The following DLGAP2 variants were observed in gnomAD, a reference collection of about 807,000 sequenced individuals.
The protein encoded by DLGAP2 is disks large-associated protein 2.
In DLGAP2, 26 loss-of-function variants were observed where a neutral mutation model predicts 100.3. The ratio of observed to expected loss-of-function variants is 0.26; its 90% confidence interval spans 0.19 to 0.36. The LOEUF (loss-of-function observed/expected upper bound fraction) is 0.36. Among genes scored for constraint, DLGAP2 ranks in the 10% least tolerant of loss-of-function variants. DLGAP2 has a pLI of 1.00. For synonymous variants in DLGAP2, 886 were observed against 630.1 expected (o/e 1.41, Z -6.08); for missense variants, 1,858 against 1,453.2 (o/e 1.28, Z -4.53).
chr8:1,199,946 C>A (rs952440625), intron 2 of DLGAP2, among the ~76,000 whole-genome samples: 1 of 151,674 alleles, frequency 6.6e-6, no homozygotes, highest in African/African-American at 2.4e-5. Flanking sequence ...TTCCCCCCCA[C>A]AACCCCCCGC....
At chr8:1,299,611 T>C (rs892158628) in intron 3 of DLGAP2, among the ~76,000 whole-genome samples, 1 of 152,214 alleles carries the variant, frequency 6.6e-6, no homozygotes, top group Non-Finnish European at 1.5e-5. Flanking sequence ...GGGATATTCA[T>C]TTTAAAAGCT....
At chr8:921,057 G>A (rs982588648) in intron 2 of DLGAP2, among the ~76,000 whole-genome samples, 2 of 152,124 alleles carry the variant, frequency 1.3e-5, no homozygotes, top group African/African-American at 4.8e-5. Flanking sequence ...TTCACTCTTT[G>A]TAACTTCGCA....
At chr8:800,464 G>T (rs146736281) in intron 1 of DLGAP2, among the ~76,000 whole-genome samples, 1 of 152,188 alleles carries the variant, frequency 6.6e-6, no homozygotes, top group African/African-American at 2.4e-5. Context: ...TCTCATGGCG[G>T]AGCAGCCTCC....
intron 2 of DLGAP2, among the ~76,000 whole-genome samples, chr8:1,154,798 A>C (rs1465813089): frequency 6.6e-6 from 1 of 152,138 alleles, no homozygotes; most frequent in Non-Finnish European, 1.5e-5. Flanking sequence ...CCGCCCTAAA[A>C]TAAGACTGTG....
intron 3 of DLGAP2, among the ~76,000 whole-genome samples, chr8:1,498,954 A>G (rs1035681424): frequency 6.6e-6 from 1 of 152,216 alleles, no homozygotes; most frequent in Non-Finnish European, 1.5e-5. Context: ...CCCTCAGCCC[A>G]TGCTGGATTG....
In DLGAP2 at chr8:1,119,197, G is replaced by C. The variant is rs1452255116; in HGVS notation, c.74-139654G>C. Among the ~76,000 whole-genome samples the C allele has an allele frequency of 2.6e-5, 4 of 152,192 alleles. No homozygotes were observed. The East Asian group carries it at 7.7e-4, about 29-fold the overall frequency. On this transcript the variant is annotated intron_variant, in intron 2 of 14. Transcript: ENST00000637795. ...AATGCCACATCCTTCCCGCACTTAA[G>C]GCATGCAATTTGCAGAATAAGACGT... is the stretch of plus-strand genomic sequence containing the variant.
At chr8:1,688,976 C>A (rs1799182995) in intron 12 of DLGAP2, among the ~76,000 whole-genome samples, 1 of 152,164 alleles carries the variant, frequency 6.6e-6, no homozygotes, top group Middle Eastern at 3.2e-3. Flanking sequence ...TCCCGAAAGT[C>A]GGGCTAAGGA....
intron 2 of DLGAP2, among the ~76,000 whole-genome samples, chr8:1,012,657 C>A (rs527731134): frequency 1.5e-5 from 2 of 135,340 alleles, no homozygotes; most frequent in Admixed American, 1.5e-4. Context: ...ACCAGCCCCC[C>A]ACTTCAGCGG....
intron 2 of DLGAP2, among the ~76,000 whole-genome samples, chr8:1,255,669 C>CA (rs1799186493): frequency 7.3e-6 from 1 of 137,456 alleles, no homozygotes; most frequent in African/African-American, 2.9e-5. Flanking sequence ...TGTGTGTCGT[C>CA]TCCTGCCTGG....
At chr8:1,194,452 G>C (rs1202968945) in intron 2 of DLGAP2, among the ~76,000 whole-genome samples, 2 of 152,246 alleles carry the variant, frequency 1.3e-5, no homozygotes, top group African/African-American at 4.8e-5. Flanking sequence ...GCCTCCAGGT[G>C]GGGAGGACGG....
chr8:1,567,522 G>C (rs555077207), intron 6 of DLGAP2, among the ~76,000 whole-genome samples: 1 of 152,324 alleles, frequency 6.6e-6, no homozygotes, highest in African/African-American at 2.4e-5. Context: ...AGTGTTTTAA[G>C]AATTACGAAC....
intron 2 of DLGAP2, among the ~76,000 whole-genome samples, chr8:1,104,554 A>AG (rs1355723705): frequency 6.6e-6 from 1 of 152,208 alleles, no homozygotes; most frequent in Non-Finnish European, 1.5e-5. Flanking sequence ...AACACGATCA[A>AG]TAACAGAGGC....
At chr8:1,442,420 T>G (rs535650311) in intron 3 of DLGAP2, among the ~76,000 whole-genome samples, 2 of 140,680 alleles carry the variant, frequency 1.4e-5, no homozygotes, top group Middle Eastern at 4.3e-3. Context: ...GCCAGGCTGC[T>G]GTGGGTTCAG....
chr8:1,531,533 C>T (rs147500825), intron 4 of DLGAP2, among the ~76,000 whole-genome samples: 7 of 151,968 alleles, frequency 4.6e-5, no homozygotes, highest in African/African-American at 1.5e-4. Context: ...GAAATGTTTT[C>T]TTATTTACAG....
At chr8:1,556,412 C>G (rs1801968305) in intron 5 of DLGAP2, among the ~76,000 whole-genome samples, 1 of 152,104 alleles carries the variant, frequency 6.6e-6, no homozygotes, top group Admixed American at 6.6e-5. Flanking sequence ...ACCTCTTCCT[C>G]CCAGGGCAGC....
intron 6 of DLGAP2, among the ~76,000 whole-genome samples, chr8:1,587,576 A>G (rs1796159179): frequency 6.6e-6 from 1 of 152,218 alleles, no homozygotes; most frequent in Admixed American, 6.5e-5. Context: ...TTGATAGATG[A>G]TGCTTTTATA....
intron 3 of DLGAP2, among the ~76,000 whole-genome samples, chr8:1,465,089 C>G (rs1798587348): frequency 6.6e-6 from 1 of 152,242 alleles, no homozygotes; most frequent in South Asian, 2.1e-4. Flanking sequence ...CCTAATTCAG[C>G]ACATTCACCT....
At chr8:1,368,442 G>A (rs751482450) in intron 3 of DLGAP2, among the ~76,000 whole-genome samples, 7 of 152,074 alleles carry the variant, frequency 4.6e-5, no homozygotes, top group Non-Finnish European at 8.8e-5. Context: ...GTGGCCACAC[G>A]GGGAGCTGTG....
At chr8:762,361 C>T (rs921783566) in intron 1 of DLGAP2, among the ~76,000 whole-genome samples, 8 of 152,162 alleles carry the variant, frequency 5.3e-5, no homozygotes, top group Admixed American at 3.9e-4. Flanking sequence ...TTTGCATATA[C>T]GTCTTTGTTG....
Sources: gnomAD v4.1 joint callset for allele counts (sites outside exome capture counted in the v4.1 genomes callset) on GRCh38, gnomAD v4.1.1 for gene constraint, MANE v1.5 for transcripts, NCBI Gene and HGNC (gene_info 2026-07-23, HGNC 2026-07-21) for gene names.